The following SPATA9 variants were observed in gnomAD, a reference collection of about 807,000 sequenced individuals.
SPATA9 encodes the protein spermatogenesis-associated protein 9.
SPATA9 carries 27 observed loss-of-function variants against 25.5 expected under a neutral mutation model. The observed-to-expected ratio is 1.06, with a 90% CI of 0.78 to 1.46. The LOEUF (loss-of-function observed/expected upper bound fraction) is 1.46. Ranked by LOEUF, SPATA9 falls within the 40% of genes most tolerant of loss-of-function variation. The pLI, the probability that SPATA9 is intolerant of heterozygous loss-of-function variation, is 0.00. For missense variants in SPATA9, 282 were observed against 297.5 expected (o/e 0.95, Z 0.38); for synonymous variants, 102 against 105.7 (o/e 0.97, Z 0.21).
intron 3 of SPATA9, among the ~76,000 whole-genome samples, chr5:95,669,254 C>T (rs1192663245): frequency 3.9e-5 from 6 of 152,154 alleles, no homozygotes; most frequent in Non-Finnish European, 8.8e-5. Context: ...TGTATGTCTT[C>T]AAGAGCCCAG....
At chr5:95,701,880 T>A (rs537214942), upstream of SPATA9, among the ~76,000 whole-genome samples, 1 of 152,326 alleles carries the variant, frequency 6.6e-6, no homozygotes, top group African/African-American at 2.4e-5. Context: ...ACAGCAATCA[T>A]AAAGCTACAT....
At chr5:95,712,915 T>A in the SPATA9 span, among the ~76,000 whole-genome samples, 1 of 152,186 alleles carries the variant, frequency 6.6e-6, no homozygotes, top group African/African-American at 2.4e-5. Flanking sequence ...TTTATCAATG[T>A]TTAAAGTTTT....
the SPATA9 span, among the ~76,000 whole-genome samples, chr5:95,711,560 C>A: frequency 2.0e-5 from 3 of 152,172 alleles, no homozygotes; most frequent in East Asian, 5.8e-4. Context: ...CCTCCCGCCG[C>A]GGCCGCAGTC....
At chr5:95,677,622 A>G (rs1753066950) in intron 2 of SPATA9, among the ~76,000 whole-genome samples, 3 of 152,158 alleles carry the variant, frequency 2.0e-5, no homozygotes, top group African/African-American at 7.2e-5. Flanking sequence ...TCACACATTA[A>G]CAATAACCAA....
upstream of SPATA9, among the ~76,000 whole-genome samples, chr5:95,686,063 A>T (rs1011851121): frequency 6.6e-6 from 1 of 152,078 alleles, no homozygotes; most frequent in African/African-American, 2.4e-5. Context: ...TGAACTCCTG[A>T]TCTCTCTCAG....
chr5:95,700,505 G>A (rs141566827), upstream of SPATA9, among the ~76,000 whole-genome samples: 254 of 152,152 alleles, frequency 1.7e-3, no homozygotes, highest in Middle Eastern at 6.8e-3. Context: ...TCACCACGTC[G>A]GTCAGGCTGG....
the SPATA9 span, among the ~76,000 whole-genome samples, chr5:95,715,556 G>A: frequency 6.6e-6 from 1 of 152,066 alleles, no homozygotes; most frequent in African/African-American, 2.4e-5. Context: ...AAAGAAAATT[G>A]TTTTCCTGTT....
At chr5:95,683,103 G>A, upstream of SPATA9, 1 of 881,816 alleles carries the variant, frequency 1.1e-6, no homozygotes, top group Non-Finnish European at 1.5e-6. Context: ...ATAAGGGAAG[G>A]AGTGAGGGGA....
chr5:95,652,685 G>A (rs1358180644), downstream of SPATA9: 1 of 239,168 alleles, frequency 4.2e-6, no homozygotes, highest in East Asian at 8.7e-5. Flanking sequence ...TAGTAACATG[G>A]AGGATTAAAG....
chr5:95,665,642 C>A (rs185063923), intron 3 of SPATA9, among the ~76,000 whole-genome samples: 3 of 151,796 alleles, frequency 2.0e-5, no homozygotes, highest in African/African-American at 7.3e-5. Context: ...TAGGTTGATT[C>A]TATATCCAGG....
intron 2 of SPATA9, among the ~76,000 whole-genome samples, chr5:95,680,074 A>G (rs1753306655): frequency 6.6e-6 from 1 of 151,910 alleles, no homozygotes. Context: ...ATTTTTTTGT[A>G]TTTTTAGTAG....
chr5:95,731,306 G>A, the SPATA9 span: 5 of 1,052,256 alleles, frequency 4.8e-6, no homozygotes, highest in Non-Finnish European at 5.7e-6. Flanking sequence ...CCCCTTCTCT[G>A]CTTAGAGGAG....
At chr5:95,685,892 A>G (rs941306290), upstream of SPATA9, among the ~76,000 whole-genome samples, 2 of 152,204 alleles carry the variant, frequency 1.3e-5, no homozygotes, top group African/African-American at 4.8e-5. Context: ...GCTGAAATGC[A>G]GTGGCGCGAT....
the SPATA9 span, among the ~76,000 whole-genome samples, chr5:95,725,679 A>ACT: frequency 6.6e-6 from 1 of 152,226 alleles, no homozygotes; most frequent in Admixed American, 6.5e-5. Flanking sequence ...AAAATTTACT[A>ACT]CTTGTATAAC....
chr5:95,711,389 C>T, the SPATA9 span, among the ~76,000 whole-genome samples: 2 of 152,104 alleles, frequency 1.3e-5, no homozygotes, highest in African/African-American at 2.4e-5. Flanking sequence ...TGGACTCCAA[C>T]AGTGAGGTCA....
chr5:95,704,509 C>T, the SPATA9 span, among the ~76,000 whole-genome samples: 1 of 152,074 alleles, frequency 6.6e-6, no homozygotes, highest in Non-Finnish European at 1.5e-5. Context: ...TAGAATGTTA[C>T]ATGTCAATCT....
chr5:95,675,139 T>G (rs1281949726), intron 3 of SPATA9, among the ~76,000 whole-genome samples: 1 of 152,230 alleles, frequency 6.6e-6, no homozygotes, highest in African/African-American at 2.4e-5. Flanking sequence ...AGTTGTAAGA[T>G]TTCTGTTAGA....
the SPATA9 span, chr5:95,730,922 GA>G: frequency 8.7e-6 from 4 of 459,224 alleles, no homozygotes; most frequent in Non-Finnish European, 1.7e-5. Flanking sequence ...TCAAGGCCAA[GA>G]GGGGGGGAAA....
chr5:95,672,835 CAG>C (rs1314005911), intron 3 of SPATA9, among the ~76,000 whole-genome samples: 1 of 152,166 alleles, frequency 6.6e-6, no homozygotes, highest in Non-Finnish European at 1.5e-5. Flanking sequence ...ACTGGAAAGA[CAG>C]ATTTTTTTCT....
Sources: gnomAD v4.1 joint callset for allele counts (sites outside exome capture counted in the v4.1 genomes callset) on GRCh38, gnomAD v4.1.1 for gene constraint, MANE v1.5 for transcripts, NCBI Gene and HGNC (gene_info 2026-07-23, HGNC 2026-07-21) for gene names.